The following DNAH14 variants were observed in gnomAD, a reference collection of about 807,000 sequenced individuals.
The protein encoded by DNAH14 is axonemal beta dynein heavy chain 14.
In DNAH14, 478 loss-of-function variants were observed where a neutral mutation model predicts 520.9. The ratio of observed to expected loss-of-function variants is 0.92; its 90% CI spans 0.85 to 0.99. The LOEUF (loss-of-function observed/expected upper bound fraction) is 0.99, where lower values mean the gene tolerates loss of function less well. DNAH14 is among the 50% of genes least tolerant of loss of function. DNAH14 has a pLI of 0.00. For missense variants in DNAH14, 4,831 were observed against 5,234.5 expected (o/e 0.92, Z 2.38); for synonymous variants, 1,581 against 1,757.2 (o/e 0.90, Z 2.51).
In DNAH14 at chr1:225,117,573, A is replaced by G. The variant is rs2076958909; in HGVS notation, c.3868-111A>G. 6.1e-6 allele frequency: 4 copies of G among 656,512 alleles called. No homozygotes were observed. The Admixed American group carries it at 8.7e-5, about 14-fold the overall frequency. 40.7% of individuals were successfully genotyped at this position (656,512 alleles called of 1,614,324 possible). A position where few individuals can be genotyped will look rare whatever the true frequency, so the allele number is the denominator to read the frequency against. On this transcript the variant is annotated intron_variant, in intron 23 of 85. Transcript: ENST00000682510. ...TATTTTAACTGATACTACTATATAT[A>G]CCATAACTAATATTGTGGCTTTTGT...
In DNAH14 at chr1:224,970,559, C is replaced by T. The variant is rs1433698681; in HGVS notation, c.767+1685C>T. Reference sequence around the variant, plus strand: ...CGCTCGGGGGCATGATGGAACCTGCCGACATGTGATGTCTGCCCCGGACAC... The same window carrying T: ...CGCTCGGGGGCATGATGGAACCTGCTGACATGTGATGTCTGCCCCGGACAC... On this transcript the variant is annotated intron_variant, in intron 7 of 85. Coordinates refer to ENST00000682510, the MANE Select transcript of DNAH14 (RefSeq NM_001367479.1). Among the ~76,000 whole-genome samples, 7 of 152,158 alleles carry T rather than the reference C, an allele frequency of 4.6e-5. No homozygotes were observed. In the South Asian group the frequency reaches 1.0e-3, roughly 23 times the overall value.
chr1:225,074,348 T>C (rs2071975935), intron 17 of DNAH14, among the ~76,000 whole-genome samples: 1 of 152,172 alleles, frequency 6.6e-6, no homozygotes, highest in South Asian at 2.1e-4. Flanking sequence ...ACTGGTGGGA[T>C]TGGCTGGAGA....
At chr1:225,329,744 A>T (rs183773837) in intron 64 of DNAH14, among the ~76,000 whole-genome samples, 1 of 152,278 alleles carries the variant, frequency 6.6e-6, no homozygotes, top group East Asian at 1.9e-4. Flanking sequence ...GGTCTGGGCA[A>T]AAATGTCTTG....
At chr1:225,104,023 G>T (rs917959964) in intron 23 of DNAH14, among the ~76,000 whole-genome samples, 6 of 151,990 alleles carry the variant, frequency 3.9e-5, no homozygotes, top group African/African-American at 7.3e-5. Context: ...TAGTGGCGTG[G>T]GTTTGTCATA....
intron 36 of DNAH14, among the ~76,000 whole-genome samples, chr1:225,180,272 G>A (rs1407858196): frequency 6.6e-6 from 1 of 152,162 alleles, no homozygotes. Context: ...CTGTTCCACA[G>A]ACGTCATGAG....
At chr1:225,062,093 G>A (rs2070219407) in intron 17 of DNAH14, among the ~76,000 whole-genome samples, 2 of 151,990 alleles carry the variant, frequency 1.3e-5, no homozygotes, top group Admixed American at 6.6e-5. Context: ...GAGCTGAAGA[G>A]TTTGAGACTA....
intron 60 of DNAH14, among the ~76,000 whole-genome samples, chr1:225,309,893 G>A (rs970874752): frequency 6.6e-6 from 1 of 152,000 alleles, no homozygotes; most frequent in Non-Finnish European, 1.5e-5. Context: ...CTCGGAGGGG[G>A]GAGGGATAGC....
At position 225,092,351 on chromosome 1, in the gene DNAH14, A is replaced by G. The variant is rs1383742683; in HGVS notation, c.3574-4767A>G. Among the ~76,000 whole-genome samples, 7 of 152,268 alleles carry G rather than the reference A, an allele frequency of 4.6e-5. No individual in the cohort carries two copies. In the East Asian group the frequency reaches 1.3e-3, roughly 29 times the overall value. ...AACCACACTCAGTCCACAGTGCAATAAAAATAGAAATCAATACTAAGAAAA... is the reference window on the plus strand; with the variant it reads ...AACCACACTCAGTCCACAGTGCAATGAAAATAGAAATCAATACTAAGAAAA... On this transcript the variant is annotated intron_variant, in intron 21 of 85. Coordinates refer to ENST00000682510, the MANE Select transcript of DNAH14 (RefSeq NM_001367479.1).
rs1196050384 is a variant in DNAH14, at chr1:225,100,900, T to G, written c.3867+16T>G. ...AAGCCTTGAGGTAAAACTATAGCAA[T>G]TCTAAAGCAGTGAATCATTTAACAA... is the stretch of plus-strand genomic sequence containing the variant. On this transcript the variant is annotated intron_variant, in intron 23 of 85. Transcript: ENST00000682510. 2 of 1,466,634 alleles carry G rather than the reference T, an allele frequency of 1.4e-6. No individual in the cohort carries two copies. Among genetic ancestry groups the G allele is most frequent in the African/African-American group, 2.9e-5 (2 of 68,360 alleles). The allele number at this position is 1,466,634 out of a possible 1,614,324, so 90.9% of individuals were successfully genotyped here.
intron 5 of DNAH14, among the ~76,000 whole-genome samples, chr1:224,966,847 C>T (rs537658909): frequency 1.4e-4 from 21 of 152,204 alleles, no homozygotes; most frequent in Non-Finnish European, 2.1e-4. Context: ...CCTCACTCAG[C>T]TCCATCAGAG....
At chr1:225,342,729 A>C (rs35648218) in intron 69 of DNAH14, among the ~76,000 whole-genome samples, 17,052 of 150,774 alleles carry the variant, frequency 0.11, 1,142 homozygotes, top group East Asian at 0.26. Context: ...CATTCTATTT[A>C]TCAATCTATT....
chr1:225,058,723 A>G (rs2069535713), intron 17 of DNAH14, among the ~76,000 whole-genome samples: 4 of 151,998 alleles, frequency 2.6e-5, no homozygotes, highest in Admixed American at 2.0e-4. Context: ...AGATTCTGGT[A>G]TGTTATGTCT....
At chr1:224,977,154 A>T (rs1176698547) in intron 8 of DNAH14, among the ~76,000 whole-genome samples, 1 of 152,156 alleles carries the variant, frequency 6.6e-6, no homozygotes, top group Admixed American at 6.5e-5. Context: ...AATACTATGC[A>T]GCCATAAAAA....
At chr1:225,260,298 G>A (rs930149743) in intron 46 of DNAH14, among the ~76,000 whole-genome samples, 1 of 150,662 alleles carries the variant, frequency 6.6e-6, no homozygotes, top group Admixed American at 6.6e-5. Flanking sequence ...GTTGCAGTGA[G>A]CCAAGATTGC....
At chr1:225,263,719 T>G (rs1196621063) in intron 46 of DNAH14, among the ~76,000 whole-genome samples, 1 of 152,062 alleles carries the variant, frequency 6.6e-6, no homozygotes, top group African/African-American at 2.4e-5. Context: ...TATCTAAGTA[T>G]CATAAATAAT....
At chr1:225,193,701 G>A (rs537497295) in intron 38 of DNAH14, among the ~76,000 whole-genome samples, 2 of 152,168 alleles carry the variant, frequency 1.3e-5, no homozygotes, top group South Asian at 4.1e-4. Flanking sequence ...CCTAGCCAGA[G>A]CAATCAGGCA....
chr1:225,092,434 G>T lies in DNAH14; in HGVS notation c.3574-4684G>T, dbSNP rs541750051. Reference sequence around the variant, plus strand: ...AATAACCTGATCCTGAATGACTATTGGGTAAATAATGAAATTAAGAGATAA... The same window carrying T: ...AATAACCTGATCCTGAATGACTATTTGGTAAATAATGAAATTAAGAGATAA... On this transcript the variant is annotated intron_variant, in intron 21 of 85. Coordinates refer to ENST00000682510, the MANE Select transcript of DNAH14 (RefSeq NM_001367479.1). Among the ~76,000 whole-genome samples the T allele has an allele frequency of 2.0e-5, 3 of 152,176 alleles. No homozygotes were observed. The East Asian group carries it at 5.8e-4, about 29-fold the overall frequency.
chr1:224,957,734 T>C (rs2060602250), intron 3 of DNAH14, among the ~76,000 whole-genome samples: 1 of 152,168 alleles, frequency 6.6e-6, no homozygotes, highest in Non-Finnish European at 1.5e-5. Flanking sequence ...TTGAATTTAC[T>C]GACCTCAAGA....
At chr1:225,199,323 G>A (rs964962914) in intron 38 of DNAH14, among the ~76,000 whole-genome samples, 4 of 150,916 alleles carry the variant, frequency 2.7e-5, no homozygotes, top group African/African-American at 9.7e-5. Flanking sequence ...TATATTTTTT[G>A]TTTCAATTTC....
Sources: gnomAD v4.1 joint callset for allele counts (sites outside exome capture counted in the v4.1 genomes callset) on GRCh38, gnomAD v4.1.1 for gene constraint, MANE v1.5 for transcripts, NCBI Gene and HGNC (gene_info 2026-07-23, HGNC 2026-07-21) for gene names.